MAPK4: variants seen among roughly 807,000 people sequenced by gnomAD.
MAPK4 encodes the protein Erk3-related.
In MAPK4, 22 loss-of-function variants were observed where a neutral mutation model predicts 47.7. The observed-to-expected ratio is 0.46, with a 90% CI of 0.33 to 0.66. The LOEUF is 0.66. MAPK4 is among the 30% of genes least tolerant of loss of function. The pLI is 0.02. For missense variants in MAPK4, 736 were observed against 831.7 expected (o/e 0.88, Z 1.42); for synonymous variants, 390 against 365.7 (o/e 1.07, Z -0.76).
chr18:50,676,818 A>C (rs1021626747), intron 2 of MAPK4, among the ~76,000 whole-genome samples: 5 of 152,258 alleles, frequency 3.3e-5, no homozygotes, highest in African/African-American at 1.2e-4. Flanking sequence ...AATAATAGTA[A>C]GTTTGAAAAG....
intron 1 of MAPK4, among the ~76,000 whole-genome samples, chr18:50,564,570 T>C (rs1340658367): frequency 5.9e-5 from 9 of 152,238 alleles, no homozygotes; most frequent in Admixed American, 5.9e-4. Flanking sequence ...TTCAATTCTT[T>C]TCAATAAAGA....
chr18:50,708,744 T>A (rs1910194813), intron 2 of MAPK4, among the ~76,000 whole-genome samples: 1 of 152,156 alleles, frequency 6.6e-6, no homozygotes. Context: ...TGCGAGGCAG[T>A]GGAGCCCTCT....
Position 50,729,176 on chromosome 18 carries a change from G to T in MAPK4, c.1086G>T (p.Ser362=), listed in dbSNP as rs1374538039. 6.3e-7 allele frequency: 1 copy of T among 1,583,286 alleles called. No individual in the cohort carries two copies. The highest frequency in any genetic ancestry group is 2.3e-5 in the East Asian group (1 of 44,122). ...CTTGCAGGTACCCTGTGAGCCTGTC[G>T]TCGGACCTGGAGTGGCGGCCTGACC... ...TCSSRYPVSL[S]SDLEWRPDRC... The change falls in exon 6 of 6, where the codon TCG becomes TCT. Residue 362 remains serine, a synonymous_variant. Coordinates refer to ENST00000400384, the MANE Select transcript of MAPK4 (RefSeq NM_002747.4).
chr18:50,564,695 G>T (rs1423439563), intron 1 of MAPK4, among the ~76,000 whole-genome samples: 1 of 152,210 alleles, frequency 6.6e-6, no homozygotes, highest in South Asian at 2.1e-4. Flanking sequence ...ATTATATTAA[G>T]TTCATCTTTT....
chr18:50,606,324 T>TGGGATTTTGTCTTTAATACACTA (rs373793552), intron 1 of MAPK4, among the ~76,000 whole-genome samples: 1,892 of 151,808 alleles, frequency 0.012, 45 homozygotes, highest in African/African-American at 0.044. Context: ...GCAGAGGAGT[T>TGGGATTTTGTCTTTAATACACTA]GGGATTTTGT....
intron 1 of MAPK4, among the ~76,000 whole-genome samples, chr18:50,620,752 A>AT (rs563732463): frequency 1.5e-4 from 23 of 151,758 alleles, no homozygotes; most frequent in South Asian, 8.3e-4. Context: ...AAAAATTAAA[A>AT]ATATATATAT....
At chr18:50,665,230 A>G (rs930429330) in intron 2 of MAPK4, among the ~76,000 whole-genome samples, 2 of 152,076 alleles carry the variant, frequency 1.3e-5, no homozygotes, top group African/African-American at 4.8e-5. Flanking sequence ...AGTTGTTCTC[A>G]AGGGCCCAGA....
rs1358916515 is a variant in MAPK4, at chr18:50,714,402, T to G, written c.547-677T>G. Reference sequence around the variant, plus strand: ...GAGTCCATCTCAGACCACAAATCACTGAGCCATGGGCAAAATCAGCTAGAA... The same window carrying G: ...GAGTCCATCTCAGACCACAAATCACGGAGCCATGGGCAAAATCAGCTAGAA... On this transcript the variant is annotated intron_variant, in intron 2 of 5. Transcript: ENST00000400384. Among the ~76,000 whole-genome samples, 5 of 152,188 alleles carry G rather than the reference T, an allele frequency of 3.3e-5. No homozygotes were observed. In the South Asian group the frequency reaches 1.0e-3, roughly 32 times the overall value.
At chr18:50,649,393 C>T (rs766905828) in intron 1 of MAPK4, among the ~76,000 whole-genome samples, 9 of 152,240 alleles carry the variant, frequency 5.9e-5, no homozygotes, top group Non-Finnish European at 1.0e-4. Context: ...AAGCAATCTG[C>T]CTTCCACCCA....
At chr18:50,719,414 T>C (rs1324853047) in intron 3 of MAPK4, among the ~76,000 whole-genome samples, 1 of 152,168 alleles carries the variant, frequency 6.6e-6, no homozygotes, top group African/African-American at 2.4e-5. Flanking sequence ...CCTGCTATCT[T>C]ATTTTTCCAA....
intron 3 of MAPK4, among the ~76,000 whole-genome samples, chr18:50,720,858 CG>C (rs1910902585): frequency 6.6e-6 from 1 of 152,170 alleles, no homozygotes; most frequent in South Asian, 2.1e-4. Flanking sequence ...GGCACTTCTT[CG>C]GTCAGTATTC....
chr18:50,585,286 T>C (rs1246687797), intron 1 of MAPK4, among the ~76,000 whole-genome samples: 1 of 152,192 alleles, frequency 6.6e-6, no homozygotes, highest in East Asian at 1.9e-4. Flanking sequence ...AGAGTTTTCA[T>C]CAATTGCATT....
At chr18:50,692,555 T>G (rs1290536845) in intron 2 of MAPK4, among the ~76,000 whole-genome samples, 1 of 152,138 alleles carries the variant, frequency 6.6e-6, no homozygotes, top group East Asian at 1.9e-4. Context: ...AACAACAGTG[T>G]TGATTTTACA....
chr18:50,614,535 A>G (rs946407013), intron 1 of MAPK4, among the ~76,000 whole-genome samples: 17 of 152,276 alleles, frequency 1.1e-4, no homozygotes, highest in African/African-American at 4.1e-4. Context: ...TTTTAACTCT[A>G]GCTTTTCAAG....
In MAPK4 at chr18:50,636,684, T is replaced by A. The variant is rs548911271; in HGVS notation, c.-870-26405T>A. Among the ~76,000 whole-genome samples the A allele has an allele frequency of 1.8e-4, 28 of 152,360 alleles. No individual in the cohort carries two copies. In the South Asian group the frequency reaches 5.4e-3, roughly 29 times the overall value. On this transcript the variant is annotated intron_variant, in intron 1 of 5. Transcript: ENST00000400384. ...TCATTTGCTTTTCTATGGGAACCTT[T>A]CAATGTTTCCTAATCTCCCCTGAAC... is the stretch of plus-strand genomic sequence containing the variant.
chr18:50,593,228 C>T lies in MAPK4; in HGVS notation c.-871+32985C>T, dbSNP rs748101229. Among the ~76,000 whole-genome samples, 5 of 152,176 alleles carry T rather than the reference C, an allele frequency of 3.3e-5. No individual in the cohort carries two copies. The South Asian group carries it at 8.3e-4, about 25-fold the overall frequency. On this transcript the variant is annotated intron_variant, in intron 1 of 5. Transcript: ENST00000400384. ...TTATTTTGCGTCATCAAAATTGGCCCCTTGCAATTTCTACCCTAGAGTTTT... is the reference window on the plus strand; with the variant it reads ...TTATTTTGCGTCATCAAAATTGGCCTCTTGCAATTTCTACCCTAGAGTTTT...
intron 2 of MAPK4, among the ~76,000 whole-genome samples, chr18:50,680,893 C>G (rs1277983039): frequency 6.6e-6 from 1 of 152,166 alleles, no homozygotes; most frequent in African/African-American, 2.4e-5. Flanking sequence ...CATGAACATT[C>G]ATGTACAAGT....
chr18:50,578,844 G>A (rs1598791522), intron 1 of MAPK4, among the ~76,000 whole-genome samples: 3 of 152,316 alleles, frequency 2.0e-5, no homozygotes, highest in East Asian at 3.9e-4. Context: ...GGGCAGGAGG[G>A]AGTGTGACTC....
chr18:50,724,962 G>C (rs954395652), intron 4 of MAPK4, among the ~76,000 whole-genome samples: 1 of 152,230 alleles, frequency 6.6e-6, no homozygotes, highest in Non-Finnish European at 1.5e-5. Flanking sequence ...CTTGCGCTGA[G>C]ATAACCCAGG....
Sources: gnomAD v4.1 joint callset for allele counts (sites outside exome capture counted in the v4.1 genomes callset) on GRCh38, gnomAD v4.1.1 for gene constraint, MANE v1.5 for transcripts, NCBI Gene and HGNC (gene_info 2026-07-23, HGNC 2026-07-21) for gene names.